The following BLK variants were observed in gnomAD, a reference collection of about 807,000 sequenced individuals.
The protein encoded by BLK is tyrosine-protein kinase Blk.
In BLK, 64 loss-of-function variants were observed where a neutral mutation model predicts 61.8. The observed-to-expected ratio is 1.03, with a 90% confidence interval of 0.85 to 1.27. The LOEUF (loss-of-function observed/expected upper bound fraction) is 1.27. Among genes scored for constraint, BLK ranks in the 50% most tolerant of loss-of-function variants. The pLI, the probability that BLK is intolerant of heterozygous loss-of-function variation, is 0.00. For synonymous variants in BLK, 351 were observed against 272.0 expected, an observed-to-expected ratio of 1.29 and a Z score of -2.86; for missense variants, 853 against 660.5, an observed-to-expected ratio of 1.29 and a Z score of -3.19.
At chr8:11,532,073 G>T (rs1190170450) in intron 1 of BLK, among the ~76,000 whole-genome samples, 2 of 151,958 alleles carry the variant, frequency 1.3e-5, no homozygotes, top group African/African-American at 2.4e-5. Context: ...TGGCCAGGCT[G>T]GTCTCAAACC....
intron 10 of BLK, chr8:11,558,554 G>A (rs2117577589): frequency 2.3e-6 from 1 of 431,738 alleles, no homozygotes; most frequent in African/African-American, 2.0e-5. Context: ...TGACTTCTCT[G>A]AGCCCTGGAG....
At chr8:11,519,476 G>C (rs1254830628) in intron 1 of BLK, among the ~76,000 whole-genome samples, 1 of 152,214 alleles carries the variant, frequency 6.6e-6, no homozygotes, top group Non-Finnish European at 1.5e-5. Flanking sequence ...ACATGTAGTA[G>C]GGAAATGTCA....
intron 8 of BLK, 94 bp downstream of exon 8, chr8:11,555,578 TC>T: frequency 6.4e-7 from 1 of 1,567,532 alleles, no homozygotes. Flanking sequence ...GTGTCATCCC[TC>T]CCCCAGAAGT....
chr8:11,505,595 G>T (rs28417806), intron 1 of BLK, among the ~76,000 whole-genome samples: 3 of 152,132 alleles, frequency 2.0e-5, no homozygotes, highest in African/African-American at 7.2e-5. Context: ...GGGCAGTTCC[G>T]CATCCTTGGA....
chr8:11,502,558 G>T (rs527669702), intron 1 of BLK, among the ~76,000 whole-genome samples: 8 of 152,282 alleles, frequency 5.3e-5, no homozygotes, highest in Non-Finnish European at 8.8e-5. Flanking sequence ...AAACTGCTGG[G>T]ATTACAGACA....
Position 11,564,481 on chromosome 8 carries a change from C to T in BLK, c.*373C>T, listed in dbSNP as rs1386704092. Reference sequence around the variant, plus strand: ...CCCGCCTCTGCGCCCTGCGTGGACCCCGCCCTGCCCCGCTACAGAAGCCAG... The same window carrying T: ...CCCGCCTCTGCGCCCTGCGTGGACCTCGCCCTGCCCCGCTACAGAAGCCAG... On this transcript the variant is annotated 3_prime_UTR_variant, in exon 13 of 13. Coordinates refer to ENST00000259089, the MANE Select transcript of BLK (RefSeq NM_001715.3). The T allele has an allele frequency of 9.6e-6, 5 of 521,164 alleles. No individual in the cohort carries two copies. Among genetic ancestry groups the T allele is most frequent in the Non-Finnish European group, 1.5e-5 (4 of 269,228 alleles). 32.3% of individuals were successfully genotyped at this position (521,164 alleles called of 1,614,324 possible).
rs1204516450 is a variant in BLK, at chr8:11,554,785, A to G, written c.515A>G (p.Glu172Gly). 6.2e-7 allele frequency: 1 copy of G among 1,613,390 alleles called. No homozygotes were observed. The highest frequency in any genetic ancestry group is 8.5e-7 in the Non-Finnish European group (1 of 1,179,936). Residue 172 changes from glutamate to glycine, a missense_variant, in exon 7 of 13, where the codon GAG (glutamate) becomes GGG (glycine). By Grantham distance (98) the Glu-to-Gly change is moderately conservative. Transcript: ENST00000259089. ...GTGAAGGATGTCACCACCCAGGGGG[A>G]GCTGATCAAGCACTATAAGATCCGC... ...LSVKDVTTQG[E>G]LIKHYKIRCL...
At chr8:11,501,601 G>A (rs1798564051) in intron 1 of BLK, among the ~76,000 whole-genome samples, 1 of 152,180 alleles carries the variant, frequency 6.6e-6, no homozygotes, top group African/African-American at 2.4e-5. Context: ...TATAAAGGAT[G>A]CGTAGCACTT....
chr8:11,516,606 C>T (rs1381408700), intron 1 of BLK, among the ~76,000 whole-genome samples: 5 of 152,240 alleles, frequency 3.3e-5, no homozygotes, highest in African/African-American at 1.2e-4. Context: ...CCCCCAGCCC[C>T]TGACACCTGT....
At chr8:11,513,716 C>T (rs952383836) in intron 1 of BLK, among the ~76,000 whole-genome samples, 7 of 152,164 alleles carry the variant, frequency 4.6e-5, no homozygotes, top group African/African-American at 1.7e-4. Context: ...TCCCAAAGTG[C>T]CTTCTAAATA....
At chr8:11,530,969 G>A (rs1585366230) in intron 1 of BLK, among the ~76,000 whole-genome samples, 1 of 152,298 alleles carries the variant, frequency 6.6e-6, no homozygotes, top group East Asian at 1.9e-4. Context: ...TCAGCCTCAG[G>A]TGAGCATTCT....
rs532075909 is a variant in BLK, at chr8:11,538,119, CAT to C, written c.-1-5104_-1-5103del. Among the ~76,000 whole-genome samples, 293 of 152,336 alleles carry C rather than the reference CAT, an allele frequency of 1.9e-3. 1 individual carries two copies. Among genetic ancestry groups the C allele is most frequent in the African/African-American group, 6.7e-3 (278 of 41,570 alleles). On this transcript the variant is annotated intron_variant, in intron 1 of 12. Transcript: ENST00000259089. ...ACACACATATTCAAGCACATACACA[CAT>C]GTGTATTCACACGCATGCTCTCGCT... is the stretch of plus-strand genomic sequence containing the variant.
chr8:11,501,100 T>C (rs1658166225), intron 1 of BLK, among the ~76,000 whole-genome samples: 2 of 152,012 alleles, frequency 1.3e-5, no homozygotes, highest in Non-Finnish European at 2.9e-5. Context: ...TCCCAGCTAC[T>C]CAGAAGGCTG....
At chr8:11,502,358 C>T (rs1798595755) in intron 1 of BLK, among the ~76,000 whole-genome samples, 2 of 151,878 alleles carry the variant, frequency 1.3e-5, no homozygotes, top group Non-Finnish European at 2.9e-5. Context: ...GGCTGCAGTG[C>T]AGTGGCACGA....
intron 1 of BLK, among the ~76,000 whole-genome samples, chr8:11,531,197 G>A (rs1585366721): frequency 6.6e-6 from 1 of 152,146 alleles, no homozygotes; most frequent in Admixed American, 6.5e-5. Flanking sequence ...GAGTTTAAAA[G>A]TTAATTATAT....
intron 1 of BLK, among the ~76,000 whole-genome samples, chr8:11,505,631 G>A (rs1355041657): frequency 1.3e-5 from 2 of 152,202 alleles, no homozygotes; most frequent in Non-Finnish European, 2.9e-5. Context: ...TTCAGAATCT[G>A]ATGCTCCAAT....
chr8:11,543,140 C>T lies in BLK; in HGVS notation c.-1-84C>T, dbSNP rs186225112. On this transcript the variant is annotated intron_variant, in intron 1 of 12. Transcript: ENST00000259089. Reference sequence around the variant, plus strand: ...CACCCCACCTTTCTAACCAGCCTCCCGGAAGGGGCCAGGGATCCCCTCTGT... The same window carrying T: ...CACCCCACCTTTCTAACCAGCCTCCTGGAAGGGGCCAGGGATCCCCTCTGT... 3.1e-4 allele frequency: 493 copies of T among 1,604,576 alleles called. 7 individuals are homozygous for T. The African/African-American group carries it at 3.1e-3, about 10-fold the overall frequency.
At chr8:11,563,806 C>T (rs1007025388) in intron 12 of BLK, 97 bp from the exon 13 acceptor site, 8 of 1,250,536 alleles carry the variant, frequency 6.4e-6, no homozygotes, top group African/African-American at 1.5e-5. Context: ...ACTGCTGTCC[C>T]TTGCCTGGGC....
At chr8:11,512,561 C>T (rs1799057666) in intron 1 of BLK, among the ~76,000 whole-genome samples, 1 of 152,188 alleles carries the variant, frequency 6.6e-6, no homozygotes, top group Admixed American at 6.5e-5. Flanking sequence ...TTAAGGCAGG[C>T]AGAAAACATA....
Sources: allele counts gnomAD v4.1 joint callset (sites outside exome capture counted in the v4.1 genomes callset), GRCh38; gene constraint gnomAD v4.1.1; transcripts MANE v1.5; gene names NCBI Gene and HGNC (gene_info 2026-07-23, HGNC 2026-07-21).